Variants in STAB2 observed in about 807,000 individuals in gnomAD.
The protein encoded by STAB2 is stabilin-2.
In STAB2, 288 loss-of-function variants were observed where a neutral mutation model predicts 338.1. The ratio of observed to expected loss-of-function variants is 0.85; its 90% CI spans 0.77 to 0.94. The LOEUF (loss-of-function observed/expected upper bound fraction) is 0.94, where lower values mean the gene tolerates loss of function less well. STAB2 is among the 40% of genes least tolerant of loss of function. The pLI is 0.00. For missense variants in STAB2, 3,141 were observed against 3,210.1 expected (o/e 0.98, Z 0.52); for synonymous variants, 1,202 against 1,193.3 (o/e 1.01, Z -0.15).
At chr12:103,637,962 T>C in intron 7 of STAB2, 54 bp from the exon 8 acceptor site, 1 of 1,563,460 alleles carries the variant, frequency 6.4e-7, no homozygotes, top group East Asian at 2.3e-5. Context: ...GGTTCAGTTT[T>C]CCTTCTCCAT....
intron 6 of STAB2, 35 bp downstream of exon 6, chr12:103,631,728 A>T (rs1957466493): frequency 6.3e-7 from 1 of 1,592,648 alleles, no homozygotes; most frequent in Admixed American, 1.7e-5. Context: ...GCCACACCAG[A>T]TCAAACAGGC....
chr12:103,708,389 T>G (rs1879552014), intron 38 of STAB2, 52 bp from the exon 39 acceptor site: 1 of 1,561,838 alleles, frequency 6.4e-7, no homozygotes, highest in South Asian at 1.1e-5. Flanking sequence ...GACAAATGAG[T>G]TATTGAACAT....
chr12:103,751,016 A>C (rs1883599048), intron 60 of STAB2, among the ~76,000 whole-genome samples: 1 of 152,204 alleles, frequency 6.6e-6, no homozygotes, highest in Admixed American at 6.5e-5. Flanking sequence ...AGCCACATAG[A>C]AGTGCAGAGG....
At position 103,638,321 on chromosome 12, in the gene STAB2, C is replaced by T. The variant is rs534580398; in HGVS notation, c.906+109C>T. On this transcript the variant is annotated intron_variant, in intron 8 of 68. Transcript: ENST00000388887. ...ATCCCAATTCTCCCTTTCAATGTTCCGCTTGGTCTTCCCCTCCAGACAGTC... is the reference window on the plus strand; with the variant it reads ...ATCCCAATTCTCCCTTTCAATGTTCTGCTTGGTCTTCCCCTCCAGACAGTC... 1.9e-4 allele frequency: 242 copies of T among 1,269,468 alleles called. 1 individual carries two copies. Among genetic ancestry groups the T allele is most frequent in the South Asian group, 1.7e-3 (111 of 66,436 alleles). 78.6% of individuals were successfully genotyped at this position (1,269,468 alleles called of 1,614,324 possible).
intron 68 of STAB2, 80 bp downstream of exon 68, chr12:103,763,688 T>A: frequency 7.9e-7 from 1 of 1,266,586 alleles, no homozygotes; most frequent in South Asian, 1.3e-5. Context: ...TCAGTGGAGA[T>A]CTTTGTACCA....
At chr12:103,702,786 C>T (rs1340308407) in intron 34 of STAB2, among the ~76,000 whole-genome samples, 1 of 152,166 alleles carries the variant, frequency 6.6e-6, no homozygotes. Flanking sequence ...GCCGTCTTGC[C>T]GGTGGGCACT....
intron 24 of STAB2, 37 bp downstream of exon 24, chr12:103,676,058 CTTTTT>C (rs35874368): frequency 1.7e-3 from 1,134 of 667,726 alleles, no homozygotes; most frequent in Middle Eastern, 2.6e-3. Context: ...TGCCTGGTTT[CTTTTT>C]TTTTTTTTTT....
At chr12:103,709,792 T>C (rs1454706939) in intron 39 of STAB2, among the ~76,000 whole-genome samples, 1 of 152,178 alleles carries the variant, frequency 6.6e-6, no homozygotes, top group African/African-American at 2.4e-5. Flanking sequence ...TCTGAGAGCC[T>C]GGGAGAGGGA....
rs370772503 is a variant in STAB2, at chr12:103,594,554, T to G, written c.331+44T>G. 5 of 1,439,862 alleles carry G rather than the reference T, an allele frequency of 3.5e-6. No homozygotes were observed. In the African/African-American group the frequency reaches 5.6e-5, roughly 16 times the overall value. The allele number at this position is 1,439,862 out of a possible 1,614,324, so 89.2% of individuals were successfully genotyped here. ...GGACTTTGAGACTTGCTTCTTGGTA[T>G]CTCATTTGGTAGAAAATTGAGATGA... is the stretch of plus-strand genomic sequence containing the variant. On this transcript the variant is annotated intron_variant, in intron 3 of 68. Coordinates refer to ENST00000388887, the MANE Select transcript of STAB2 (RefSeq NM_017564.10).
intron 25 of STAB2, 84 bp downstream of exon 25, chr12:103,677,695 G>A: frequency 6.7e-7 from 1 of 1,490,868 alleles, no homozygotes; most frequent in South Asian, 1.4e-5. Flanking sequence ...AAGTACTTTG[G>A]CTAGAACTTA....
At chr12:103,631,503 A>T (rs1257172703) in intron 5 of STAB2, 95 bp from the exon 6 acceptor site, 16 of 1,198,944 alleles carry the variant, frequency 1.3e-5, no homozygotes, top group Admixed American at 7.1e-5. Context: ...CAACATGCAG[A>T]GTCTCAGCAA....
In STAB2 at chr12:103,668,669, C is replaced by T. The variant is rs1875403911; in HGVS notation, c.2112C>T (p.Tyr704=). The change falls in exon 20 of 69, where the codon TAC becomes TAT. Residue 704 remains tyrosine (Y), a synonymous_variant. Transcript: ENST00000388887. ...PTALFTHRCV[Y]SGRFGSLKSG... ...CACTCTTCACACACAGATGTGTCTA[C>T]AGTGGCAGGTTTGGGAGCCTGAAGA... is the stretch of plus-strand genomic sequence containing the variant. 2 of 1,551,804 alleles carry T rather than the reference C, an allele frequency of 1.3e-6. No individual in the cohort carries two copies. Among genetic ancestry groups the T allele is most frequent in the Non-Finnish European group, 8.7e-7 (1 of 1,147,074 alleles).
intron 20 of STAB2, chr12:103,669,317 G>C (rs772987549): frequency 2.1e-6 from 1 of 486,232 alleles, no homozygotes; most frequent in Non-Finnish European, 3.7e-6. Context: ...CTGTCTGTTC[G>C]CACAGTGTTA....
At chr12:103,603,535 G>A (rs1433656749) in intron 3 of STAB2, among the ~76,000 whole-genome samples, 1 of 152,118 alleles carries the variant, frequency 6.6e-6, no homozygotes, top group East Asian at 1.9e-4. Flanking sequence ...CTATGTACAG[G>A]TCTATTTCTG....
intron 33 of STAB2, among the ~76,000 whole-genome samples, chr12:103,697,347 T>A (rs7312283): frequency 0.45 from 68,086 of 152,028 alleles, 15,496 homozygotes; most frequent in East Asian, 0.58. Context: ...ACTGGAAATC[T>A]TCTACCTTGT....
chr12:103,736,915 T>C (rs1882176296), intron 52 of STAB2, among the ~76,000 whole-genome samples: 1 of 152,202 alleles, frequency 6.6e-6, no homozygotes, highest in South Asian at 2.1e-4. Context: ...ACTTACTAGC[T>C]GGGTGACCTC....
Position 103,708,454 on chromosome 12 carries a change from C to A in STAB2, c.4206C>A (p.Val1402=). The change falls in exon 39 of 69, where the codon GTC becomes GTA. Residue 1402 remains valine (V), a synonymous_variant. Transcript: ENST00000388887. ...TTTCCCACTTAGCATGTTCTTGTGTCCATGGGAGATGCAACCAAGGACCCT... is the reference window on the plus strand; with the variant it reads ...TTTCCCACTTAGCATGTTCTTGTGTACATGGGAGATGCAACCAAGGACCCT... ...GIHCDQACSC[V]HGRCNQGPLG... is the part of the protein sequence containing the mutation. 6.2e-7 allele frequency: 1 copy of A among 1,614,076 alleles called. No individual in the cohort carries two copies. Among genetic ancestry groups the A allele is most frequent in the South Asian group, 1.1e-5 (1 of 91,070 alleles).
chr12:103,723,900 A>C (rs993144870), intron 44 of STAB2, among the ~76,000 whole-genome samples: 9 of 152,088 alleles, frequency 5.9e-5, no homozygotes, highest in Non-Finnish European at 1.3e-4. Flanking sequence ...GATAAGTTGA[A>C]ATGATAAAAG....
At chr12:103,607,804 G>T (rs1436781285) in intron 3 of STAB2, among the ~76,000 whole-genome samples, 6 of 152,066 alleles carry the variant, frequency 3.9e-5, no homozygotes, top group Non-Finnish European at 8.8e-5. Flanking sequence ...CATTTGGGTT[G>T]GTTCTAAGTC....
Sources: gnomAD v4.1 joint callset for allele counts (sites outside exome capture counted in the v4.1 genomes callset) on GRCh38, gnomAD v4.1.1 for gene constraint, MANE v1.5 for transcripts, NCBI Gene and HGNC (gene_info 2026-07-23, HGNC 2026-07-21) for gene names.